The following FER variants were observed in gnomAD, a reference collection of about 807,000 sequenced individuals.
The protein encoded by FER is tyrosine-protein kinase Fer.
In FER, 63 loss-of-function variants were observed where a neutral mutation model predicts 111.0. The observed-to-expected ratio is 0.57, with a 90% CI of 0.46 to 0.70. The LOEUF is 0.70. FER is among the 30% of genes least tolerant of loss of function. FER has a pLI of 0.00. For synonymous variants in FER, 327 were observed against 313.9 expected, an observed-to-expected ratio of 1.04 and a Z score of -0.44; for missense variants, 914 against 954.0, an observed-to-expected ratio of 0.96 and a Z score of 0.55.
chr5:108,843,286 A>G (rs768822771), intron 5 of FER, among the ~76,000 whole-genome samples: 2 of 152,196 alleles, frequency 1.3e-5, no homozygotes, highest in African/African-American at 4.8e-5. Flanking sequence ...TCATCTATCT[A>G]TCTATGGAAA....
chr5:109,006,122 C>CT (rs149133179), intron 13 of FER, among the ~76,000 whole-genome samples: 18,029 of 152,214 alleles, frequency 0.12, 1,150 homozygotes, highest in Middle Eastern at 0.16. Flanking sequence ...AGCATTAAGA[C>CT]TATTTTGTAA....
chr5:109,125,093 A>G (rs1203251738), intron 17 of FER, among the ~76,000 whole-genome samples: 1 of 151,764 alleles, frequency 6.6e-6, no homozygotes, highest in East Asian at 1.9e-4. Context: ...ACTGCTAATC[A>G]GTAGGAAAAG....
chr5:108,773,936 A>G (rs967243915), intron 2 of FER, among the ~76,000 whole-genome samples: 5 of 151,678 alleles, frequency 3.3e-5, no homozygotes, highest in African/African-American at 1.2e-4. Context: ...TTGTTTGTTT[A>G]TTTTACTTTA....
chr5:108,908,533 A>G (rs1437239760), intron 10 of FER, among the ~76,000 whole-genome samples: 1 of 152,122 alleles, frequency 6.6e-6, no homozygotes, highest in Non-Finnish European at 1.5e-5. Flanking sequence ...ATTTTCTTCA[A>G]CCTGAAAAAA....
chr5:109,052,637 G>A (rs1486621670), intron 16 of FER, among the ~76,000 whole-genome samples: 1 of 152,202 alleles, frequency 6.6e-6, no homozygotes, highest in Non-Finnish European at 1.5e-5. Context: ...AAAGAAAAGT[G>A]CTGATACCTC....
intron 13 of FER, among the ~76,000 whole-genome samples, chr5:109,000,177 T>C (rs894214592): frequency 6.6e-6 from 1 of 151,718 alleles, no homozygotes; most frequent in African/African-American, 2.4e-5. Flanking sequence ...TGAGACTAAA[T>C]TGACTTAGGA....
intron 16 of FER, among the ~76,000 whole-genome samples, chr5:109,055,357 A>G (rs1469477181): frequency 6.6e-6 from 1 of 152,350 alleles, no homozygotes; most frequent in Non-Finnish European, 1.5e-5. Context: ...AAAGGAAACA[A>G]TCAGCAAAAT....
At chr5:108,881,071 A>G (rs1325798749) in intron 8 of FER, among the ~76,000 whole-genome samples, 1 of 152,176 alleles carries the variant, frequency 6.6e-6, no homozygotes, top group Non-Finnish European at 1.5e-5. Flanking sequence ...TCCCTAGTCC[A>G]ATCGCACACC....
At chr5:108,800,773 G>A (rs1277506970) in intron 3 of FER, among the ~76,000 whole-genome samples, 3 of 152,236 alleles carry the variant, frequency 2.0e-5, no homozygotes, top group Non-Finnish European at 4.4e-5. Flanking sequence ...TGGGCCGGGC[G>A]TGGTGGCTCA....
At chr5:109,091,078 T>G (rs910406049) in intron 16 of FER, among the ~76,000 whole-genome samples, 1 of 152,158 alleles carries the variant, frequency 6.6e-6, no homozygotes, top group Non-Finnish European at 1.5e-5. Flanking sequence ...GAGAAACCAC[T>G]GAAGGTGTGG....
Position 109,161,655 on chromosome 5 carries a change from G to A in FER, c.2049-19092G>A, listed in dbSNP as rs150585902. Among the ~76,000 whole-genome samples the A allele has an allele frequency of 8.2e-3, 1,243 of 152,170 alleles. 24 individuals are homozygous for A. The highest frequency in any genetic ancestry group is 0.028 in the African/African-American group (1,178 of 41,522). ...CCAGTCTACCATTAATGGGCATTTAGGTTGATTCCATATCTTTGCTATTGT... is the reference window on the plus strand; with the variant it reads ...CCAGTCTACCATTAATGGGCATTTAAGTTGATTCCATATCTTTGCTATTGT... On this transcript the variant is annotated intron_variant, in intron 17 of 19. Transcript: ENST00000281092.
intron 13 of FER, among the ~76,000 whole-genome samples, chr5:109,015,120 AT>A: frequency 6.6e-6 from 1 of 152,016 alleles, no homozygotes; most frequent in Admixed American, 6.6e-5. Flanking sequence ...ATACATCTTG[AT>A]TTTTTTGTAT....
intron 13 of FER, among the ~76,000 whole-genome samples, chr5:108,963,363 G>C (rs1431316872): frequency 2.0e-5 from 3 of 151,922 alleles, no homozygotes; most frequent in African/African-American, 7.3e-5. Flanking sequence ...AGGAGTTCAA[G>C]ACCAGCCTGA....
chr5:109,186,936 C>T (rs1758940870), intron 19 of FER, among the ~76,000 whole-genome samples: 1 of 152,222 alleles, frequency 6.6e-6, no homozygotes, highest in Admixed American at 6.5e-5. Context: ...CCTTCTCCTA[C>T]CTTTACACAC....
At chr5:109,145,515 A>G (rs1329048376) in intron 17 of FER, among the ~76,000 whole-genome samples, 1 of 151,422 alleles carries the variant, frequency 6.6e-6, no homozygotes, top group Middle Eastern at 3.4e-3. Flanking sequence ...TGCTCCCCCA[A>G]CCCCCGCAAC....
intron 1 of FER, among the ~76,000 whole-genome samples, chr5:108,750,446 T>G (rs889247522): frequency 6.6e-6 from 1 of 152,216 alleles, no homozygotes; most frequent in African/African-American, 2.4e-5. Context: ...GCCAAGAGAA[T>G]TATGCTTCCA....
At chr5:108,808,218 T>C (rs999406957) in intron 3 of FER, among the ~76,000 whole-genome samples, 3 of 152,024 alleles carry the variant, frequency 2.0e-5, no homozygotes, top group Non-Finnish European at 2.9e-5. Flanking sequence ...ATCAGTGGGG[T>C]GTTGTGTGGC....
At chr5:108,912,624 G>A (rs2150361515) in intron 10 of FER, among the ~76,000 whole-genome samples, 1 of 152,298 alleles carries the variant, frequency 6.6e-6, no homozygotes, top group African/African-American at 2.4e-5. Flanking sequence ...ACCTTCTAAA[G>A]TGCTGAGATT....
chr5:109,061,380 T>C (rs1379116301), intron 16 of FER, among the ~76,000 whole-genome samples: 1 of 152,172 alleles, frequency 6.6e-6, no homozygotes, highest in Non-Finnish European at 1.5e-5. Context: ...TTTACAGTTG[T>C]CAAAGCACTT....
Sources: gnomAD v4.1 joint callset for allele counts (sites outside exome capture counted in the v4.1 genomes callset) on GRCh38, gnomAD v4.1.1 for gene constraint, MANE v1.5 for transcripts, NCBI Gene and HGNC (gene_info 2026-07-23, HGNC 2026-07-21) for gene names.